Variants in STXBP5L observed in about 807,000 individuals in gnomAD.
The protein encoded by STXBP5L is syntaxin-binding protein 5-like.
In STXBP5L, 65 loss-of-function variants were observed where a neutral mutation model predicts 144.5. The ratio of observed to expected loss-of-function variants is 0.45; its 90% CI spans 0.37 to 0.55. STXBP5L has a LOEUF of 0.55. STXBP5L is among the 20% of genes least tolerant of loss of function. The pLI is 0.00. For missense variants in STXBP5L, 1,298 were observed against 1,405.5 expected, an observed-to-expected ratio of 0.92 and a Z score of 1.22; for synonymous variants, 505 against 469.6, an observed-to-expected ratio of 1.08 and a Z score of -0.97.
At position 120,996,612 on chromosome 3, in the gene STXBP5L, A is replaced by T. The variant is rs185872256; in HGVS notation, c.287+41575A>T. Among the ~76,000 whole-genome samples, 509 of 151,940 alleles carry T rather than the reference A, an allele frequency of 3.4e-3. 12 individuals carry two copies. The highest frequency in any genetic ancestry group is 0.03 in the Admixed American group (458 of 15,236). ...TGTACACTTTAACTAATATCTCCCC[A>T]TTTTCCCAGCCTCCTTGGCACTGGT... On this transcript the variant is annotated intron_variant, in intron 3 of 26. Transcript: ENST00000471454.
chr3:120,958,748 C>T (rs1023999554), intron 3 of STXBP5L, among the ~76,000 whole-genome samples: 10 of 152,204 alleles, frequency 6.6e-5, no homozygotes, highest in Non-Finnish European at 1.3e-4. Flanking sequence ...ATTGATGGGA[C>T]GTATCTCTAA....
At chr3:121,299,523 T>A (rs567334522) in intron 19 of STXBP5L, among the ~76,000 whole-genome samples, 23 of 152,160 alleles carry the variant, frequency 1.5e-4, no homozygotes, top group Non-Finnish European at 3.1e-4. Flanking sequence ...GAACTATCAG[T>A]TAACTTGAAT....
At chr3:120,971,468 T>G (rs1940243147) in intron 3 of STXBP5L, among the ~76,000 whole-genome samples, 1 of 152,022 alleles carries the variant, frequency 6.6e-6, no homozygotes. Flanking sequence ...GTTTAGCTTC[T>G]GCTAAACATG....
intron 2 of STXBP5L, among the ~76,000 whole-genome samples, chr3:120,942,838 G>T (rs1710638666): frequency 6.6e-6 from 1 of 151,448 alleles, no homozygotes; most frequent in Admixed American, 6.6e-5. Context: ...TAATGGGAAT[G>T]ACTGTAGTTT....
Position 121,223,943 on chromosome 3 carries a change from GATAA to G in STXBP5L, c.1111+801_1111+804del, listed in dbSNP as rs973545369. Among the ~76,000 whole-genome samples the G allele has an allele frequency of 3.6e-4, 54 of 151,598 alleles. No individual in the cohort carries two copies. The South Asian group carries it at 0.011, about 30-fold the overall frequency. On this transcript the variant is annotated intron_variant, in intron 11 of 26. Coordinates refer to ENST00000471454, the MANE Select transcript of STXBP5L (RefSeq NM_001308330.2). ...AGATTCCATCTCAAACAAATAAATA[GATAA>G]ATAAATAAATAAATCTAAAAAGTGA...
chr3:121,111,701 A>G (rs1480659142), intron 5 of STXBP5L, among the ~76,000 whole-genome samples: 1 of 152,166 alleles, frequency 6.6e-6, no homozygotes, highest in African/African-American at 2.4e-5. Flanking sequence ...CCCAGTCAAG[A>G]GGCATGGGAT....
At chr3:121,353,589 C>G (rs748230160) in intron 20 of STXBP5L, among the ~76,000 whole-genome samples, 13 of 151,964 alleles carry the variant, frequency 8.6e-5, no homozygotes, top group Non-Finnish European at 1.9e-4. Flanking sequence ...CTGTATTAGT[C>G]TTGGTAGTGG....
intron 3 of STXBP5L, among the ~76,000 whole-genome samples, chr3:120,970,742 T>G (rs1409995720): frequency 6.6e-6 from 1 of 152,076 alleles, no homozygotes; most frequent in Non-Finnish European, 1.5e-5. Context: ...TTATTATTAT[T>G]TTTTTTACAT....
chr3:120,926,823 T>G (rs1191506886), intron 2 of STXBP5L, among the ~76,000 whole-genome samples: 1 of 152,192 alleles, frequency 6.6e-6, no homozygotes, highest in African/African-American at 2.4e-5. Context: ...GTTGAGGGCC[T>G]CTAGTGAGTT....
chr3:120,954,426 A>G (rs1386786621), intron 2 of STXBP5L, among the ~76,000 whole-genome samples: 1 of 152,096 alleles, frequency 6.6e-6, no homozygotes, highest in African/African-American at 2.4e-5. Flanking sequence ...AAACTTGTGT[A>G]TGGCTTCTTA....
chr3:121,199,159 C>G (rs1399833349), intron 9 of STXBP5L, among the ~76,000 whole-genome samples: 1 of 151,496 alleles, frequency 6.6e-6, no homozygotes, highest in Non-Finnish European at 1.5e-5. Context: ...CTGATTACCT[C>G]GCAGTGGTTT....
chr3:120,910,780 C>T (rs977484322), intron 2 of STXBP5L, among the ~76,000 whole-genome samples: 3 of 151,970 alleles, frequency 2.0e-5, no homozygotes, highest in Admixed American at 6.6e-5. Context: ...AGCCTATATT[C>T]CTAGCAGGGT....
intron 20 of STXBP5L, among the ~76,000 whole-genome samples, chr3:121,349,602 G>T (rs1245664910): frequency 6.6e-6 from 1 of 152,034 alleles, no homozygotes; most frequent in East Asian, 1.9e-4. Flanking sequence ...AAGTCTCTTT[G>T]TAGGTCTCTA....
chr3:121,312,408 G>A (rs1373319436), intron 19 of STXBP5L, among the ~76,000 whole-genome samples: 2 of 45,678 alleles, frequency 4.4e-5, no homozygotes, highest in African/African-American at 8.6e-5. Flanking sequence ...GAAAAATGTA[G>A]TTTTATTTGT....
intron 5 of STXBP5L, among the ~76,000 whole-genome samples, chr3:121,091,206 C>T (rs1380825247): frequency 6.8e-6 from 1 of 146,940 alleles, no homozygotes; most frequent in Non-Finnish European, 1.5e-5. Flanking sequence ...GGTTCCAAGT[C>T]CTTGCTATTG....
At chr3:121,045,849 C>A (rs1947483583) in intron 5 of STXBP5L, among the ~76,000 whole-genome samples, 1 of 151,982 alleles carries the variant, frequency 6.6e-6, no homozygotes, top group African/African-American at 2.4e-5. Flanking sequence ...TATTTACAGG[C>A]CTTTTATTTC....
intron 20 of STXBP5L, among the ~76,000 whole-genome samples, chr3:121,359,287 C>T (rs539031134): frequency 6.6e-6 from 1 of 152,164 alleles, no homozygotes; most frequent in South Asian, 2.1e-4. Context: ...TTTTGCCCAT[C>T]TTTTGATCAG....
At chr3:121,266,156 C>T (rs1038850109) in intron 18 of STXBP5L, among the ~76,000 whole-genome samples, 2 of 152,172 alleles carry the variant, frequency 1.3e-5, no homozygotes, top group African/African-American at 4.8e-5. Flanking sequence ...GATACCAAAA[C>T]CTGGCAGAGA....
rs1048156439 is a variant in STXBP5L at position 121,189,371 on chromosome 3, T to C, written c.878-16552T>C. On this transcript the variant is annotated intron_variant, in intron 9 of 26. Coordinates refer to ENST00000471454, the MANE Select transcript of STXBP5L (RefSeq NM_001308330.2). ...CTGTTTTAGGTCTAACATTTAAGTCTTTAATCCATCTTGAATTAATTTTTG... is the reference window on the plus strand; with the variant it reads ...CTGTTTTAGGTCTAACATTTAAGTCCTTAATCCATCTTGAATTAATTTTTG... Among the ~76,000 whole-genome samples the C allele has an allele frequency of 1.2e-4, 18 of 152,384 alleles. No homozygotes were observed. In the East Asian group the frequency reaches 3.3e-3, roughly 28 times the overall value.
Sources: allele counts gnomAD v4.1 joint callset (sites outside exome capture counted in the v4.1 genomes callset), GRCh38; gene constraint gnomAD v4.1.1; transcripts MANE v1.5; gene names NCBI Gene and HGNC (gene_info 2026-07-23, HGNC 2026-07-21).